The following NRXN3 variants were observed in gnomAD, a reference collection of about 807,000 sequenced individuals.
NRXN3 encodes the protein neurexin 3, also known as neurexin III.
In NRXN3, 32 loss-of-function variants were observed where a neutral mutation model predicts 137.6. The ratio of observed to expected loss-of-function variants is 0.23; its 90% CI spans 0.18 to 0.31. NRXN3 has a LOEUF of 0.31. NRXN3 is among the 10% of genes least tolerant of loss of function. NRXN3 has a pLI of 1.00. For synonymous variants in NRXN3, 798 were observed against 784.5 expected (o/e 1.02, Z -0.29); for missense variants, 1,574 against 2,062.5 (o/e 0.76, Z 4.59).
intron 3 of NRXN3, 63 bp downstream of exon 3, chr14:78,278,725 TGA>T: frequency 1.5e-6 from 2 of 1,340,840 alleles, no homozygotes; most frequent in Non-Finnish European, 1.0e-6. Context: ...GTGCATGGTT[TGA>T]GTCTGAGTGA....
chr14:79,287,772 A>G (rs1230687335), intron 15 of NRXN3, among the ~76,000 whole-genome samples: 1 of 152,202 alleles, frequency 6.6e-6, no homozygotes, highest in East Asian at 1.9e-4. Context: ...TTGAATTATA[A>G]CATTATATTT....
chr14:78,601,601 C>T (rs1028788326), intron 4 of NRXN3, among the ~76,000 whole-genome samples: 8 of 152,016 alleles, frequency 5.3e-5, no homozygotes, highest in East Asian at 3.9e-4. Flanking sequence ...TACAGGTACC[C>T]GCCACCACGC....
At chr14:78,530,832 G>A (rs2096451658) in intron 4 of NRXN3, among the ~76,000 whole-genome samples, 1 of 152,172 alleles carries the variant, frequency 6.6e-6, no homozygotes, top group African/African-American at 2.4e-5. Context: ...AATTCTCAGT[G>A]CCTGTTAAAT....
intron 6 of NRXN3, among the ~76,000 whole-genome samples, chr14:78,680,040 T>C (rs2098057350): frequency 6.6e-6 from 1 of 152,060 alleles, no homozygotes; most frequent in Admixed American, 6.5e-5. Context: ...ATATGTATAA[T>C]TACATATAAT....
chr14:78,991,495 A>G (rs181519031), intron 15 of NRXN3, among the ~76,000 whole-genome samples: 52 of 152,352 alleles, frequency 3.4e-4, no homozygotes, highest in Non-Finnish European at 7.3e-5. Context: ...ATGGTTATGG[A>G]TATCTCATTT....
chr14:79,538,240 G>T (rs1389260382), intron 16 of NRXN3, among the ~76,000 whole-genome samples: 2 of 152,132 alleles, frequency 1.3e-5, no homozygotes, highest in Non-Finnish European at 2.9e-5. Flanking sequence ...CATTTTGTAG[G>T]TTGCTTGTTC....
At chr14:79,239,409 T>A (rs1214559457) in intron 15 of NRXN3, among the ~76,000 whole-genome samples, 1 of 151,934 alleles carries the variant, frequency 6.6e-6, no homozygotes, top group African/African-American at 2.4e-5. Flanking sequence ...GATCTGAGAC[T>A]CTTCTCAGAA....
intron 16 of NRXN3, among the ~76,000 whole-genome samples, chr14:79,658,819 T>G (rs1335052403): frequency 6.6e-6 from 1 of 152,184 alleles, no homozygotes; most frequent in African/African-American, 2.4e-5. Flanking sequence ...CACTGAGACC[T>G]GCTTCCATTG....
At chr14:79,641,553 C>G (rs1437492182) in intron 16 of NRXN3, among the ~76,000 whole-genome samples, 1 of 135,618 alleles carries the variant, frequency 7.4e-6, no homozygotes, top group East Asian at 2.0e-4. Context: ...CCGCTGGGCT[C>G]AGCATGTTGG....
At chr14:79,377,482 A>G (rs2094337639) in intron 15 of NRXN3, among the ~76,000 whole-genome samples, 1 of 152,114 alleles carries the variant, frequency 6.6e-6, no homozygotes, top group Non-Finnish European at 1.5e-5. Context: ...GGCTGTGCAT[A>G]GTGGCTCATG....
intron 2 of NRXN3, among the ~76,000 whole-genome samples, chr14:78,249,575 A>G (rs2068263122): frequency 6.6e-6 from 1 of 152,136 alleles, no homozygotes; most frequent in South Asian, 2.1e-4. Flanking sequence ...GTATGGGTCC[A>G]TCACAGTGAG....
At chr14:79,221,604 T>A (rs1208121708) in intron 15 of NRXN3, among the ~76,000 whole-genome samples, 1 of 152,166 alleles carries the variant, frequency 6.6e-6, no homozygotes, top group Non-Finnish European at 1.5e-5. Context: ...GGGTTGTTTG[T>A]TTTTTTCTTG....
chr14:79,608,780 T>A (rs2098058528), intron 16 of NRXN3, among the ~76,000 whole-genome samples: 1 of 152,124 alleles, frequency 6.6e-6, no homozygotes, highest in Non-Finnish European at 1.5e-5. Context: ...CCCCATTTGT[T>A]GATTTTTTTT....
At chr14:78,233,837 A>G (rs1002467139) in intron 1 of NRXN3, among the ~76,000 whole-genome samples, 1 of 152,134 alleles carries the variant, frequency 6.6e-6, no homozygotes, top group African/African-American at 2.4e-5. Flanking sequence ...TGTCTGTGAC[A>G]CTGGAATGAA....
At position 78,857,509 on chromosome 14, in the gene NRXN3, G is replaced by A. The variant is rs149984588; in HGVS notation, c.2275+47165G>A. The stretch of plus-strand genomic sequence containing the variant: ...ATCCAAGCTTTCTGCAATTAAAAAT[G>A]TGTAATTAAAAAGTCATCCAGTGTG... On this transcript the variant is annotated intron_variant, in intron 10 of 20. Transcript: ENST00000335750. Among the ~76,000 whole-genome samples, 152 of 152,186 alleles carry A rather than the reference G, an allele frequency of 1.0e-3. 1 individual carries two copies. Among genetic ancestry groups the A allele is most frequent in the African/African-American group, 3.4e-3 (142 of 41,530 alleles).
chr14:78,873,413 G>A (rs1448307261), intron 10 of NRXN3, among the ~76,000 whole-genome samples: 1 of 152,072 alleles, frequency 6.6e-6, no homozygotes, highest in Non-Finnish European at 1.5e-5. Context: ...TAACATTTTT[G>A]AAGATTGAAT....
At chr14:79,007,518 CA>C (rs1177884122) in intron 15 of NRXN3, among the ~76,000 whole-genome samples, 2 of 147,080 alleles carry the variant, frequency 1.4e-5, no homozygotes, top group Admixed American at 1.4e-4. Flanking sequence ...CAAAAAAAAA[CA>C]AAAAGTCTGG....
intron 10 of NRXN3, among the ~76,000 whole-genome samples, chr14:78,953,496 T>C (rs1054434116): frequency 6.6e-6 from 1 of 152,226 alleles, no homozygotes; most frequent in Non-Finnish European, 1.5e-5. Context: ...AAATGAGTTT[T>C]CAATGAGGAT....
intron 20 of NRXN3, among the ~76,000 whole-genome samples, chr14:79,827,143 A>T (rs2099306289): frequency 6.6e-6 from 1 of 152,212 alleles, no homozygotes; most frequent in South Asian, 2.1e-4. Flanking sequence ...TCATGTAATT[A>T]AGTGACCTCC....
Sources: allele counts gnomAD v4.1 joint callset (sites outside exome capture counted in the v4.1 genomes callset), GRCh38; gene constraint gnomAD v4.1.1; transcripts MANE v1.5; gene names NCBI Gene and HGNC (gene_info 2026-07-23, HGNC 2026-07-21).